STK3: variants seen among roughly 807,000 people sequenced by gnomAD.
STK3 encodes serine/threonine-protein kinase 3.
In STK3, 41 loss-of-function variants were observed where a neutral mutation model predicts 58.0. The ratio of observed to expected loss-of-function variants is 0.71; its 90% CI spans 0.55 to 0.92. STK3 has a LOEUF of 0.92. Among genes scored for constraint, STK3 ranks in the 40% least tolerant of loss-of-function variants. STK3 has a pLI of 0.00. For missense variants in STK3, 479 were observed against 602.7 expected (o/e 0.79, Z 2.15); for synonymous variants, 170 against 191.0 (o/e 0.89, Z 0.91).
In STK3 at chr8:98,819,839, C is replaced by T. The variant is rs543060556; in HGVS notation, c.26+5676G>A. On this transcript the variant is annotated intron_variant, in intron 1 of 10. Coordinates refer to ENST00000419617, the MANE Select transcript of STK3 (RefSeq NM_006281.4). ...ATATACACATAAAATGACATCCACC[C>T]CTCTTCTCCCTGCAATAATATCTTT... Among the ~76,000 whole-genome samples, 16 of 152,264 alleles carry T rather than the reference C, an allele frequency of 1.1e-4. No homozygotes were observed. The South Asian group carries it at 2.9e-3, about 28-fold the overall frequency.
chr8:98,649,414 C>T (rs1415962473), intron 6 of STK3, among the ~76,000 whole-genome samples: 1 of 152,076 alleles, frequency 6.6e-6, no homozygotes, highest in Non-Finnish European at 1.5e-5. Flanking sequence ...AAACTTCTCC[C>T]AAGTTTCTAA....
chr8:98,699,058 AT>A (rs1423305062), intron 6 of STK3, among the ~76,000 whole-genome samples: 1 of 152,018 alleles, frequency 6.6e-6, no homozygotes, highest in African/African-American at 2.4e-5. Context: ...GGCTTTGTTC[AT>A]TTCTTTTTGT....
At position 98,932,703 on chromosome 8, in the gene STK3, TTACTAAA is replaced by T. The variant is rs1205288117; in HGVS notation, c.-79+9668_-79+9674del. On this transcript the variant is annotated intron_variant, in intron 1 of 1. Transcript: ENST00000519420. Reference sequence around the variant, plus strand: ...ATTCTCATTCAGGAGGTCTGCTGCATTACTAAACAGCCCCCAGGTGAGGCCAATGCTC... The same window carrying T: ...ATTCTCATTCAGGAGGTCTGCTGCATCAGCCCCCAGGTGAGGCCAATGCTC... Among the ~76,000 whole-genome samples, 14 of 152,316 alleles carry T rather than the reference TTACTAAA, an allele frequency of 9.2e-5. No homozygotes were observed. The East Asian group carries it at 2.7e-3, about 29-fold the overall frequency.
At chr8:98,900,688 G>A (rs1838624109) in intron 1 of STK3, among the ~76,000 whole-genome samples, 1 of 149,644 alleles carries the variant, frequency 6.7e-6, no homozygotes. Flanking sequence ...CTGAGACAGG[G>A]TCTTGCTCTG....
At chr8:98,373,726 CTTCTT>C (rs919045544) in intron 2 of STK3, among the ~76,000 whole-genome samples, 4 of 152,200 alleles carry the variant, frequency 2.6e-5, no homozygotes, top group African/African-American at 9.6e-5. Flanking sequence ...GTAATATCTG[CTTCTT>C]TTCTTTCCTT....
chr8:98,488,959 C>T (rs1468502137), intron 10 of STK3, among the ~76,000 whole-genome samples: 1 of 152,134 alleles, frequency 6.6e-6, no homozygotes, highest in East Asian at 1.9e-4. Flanking sequence ...CTGGGGCATG[C>T]CCATTTCACC....
chr8:98,585,116 A>T (rs1287380484), intron 7 of STK3, among the ~76,000 whole-genome samples: 1 of 151,094 alleles, frequency 6.6e-6, no homozygotes, highest in Non-Finnish European at 1.5e-5. Context: ...CCCATTTGTC[A>T]ATTTTGGCTT....
intron 3 of STK3, among the ~76,000 whole-genome samples, chr8:98,420,711 A>G (rs960080835): frequency 1.3e-5 from 2 of 152,188 alleles, no homozygotes; most frequent in Non-Finnish European, 2.9e-5. Flanking sequence ...CTTAATGGGC[A>G]TCATTAAATG....
chr8:98,590,577 T>A (rs568530217), intron 7 of STK3, among the ~76,000 whole-genome samples: 2 of 152,192 alleles, frequency 1.3e-5, no homozygotes, highest in Non-Finnish European at 2.9e-5. Context: ...GGACGGGGGA[T>A]TGATCTCCCA....
chr8:98,697,086 G>A (rs1248001675), intron 6 of STK3, among the ~76,000 whole-genome samples: 1 of 152,196 alleles, frequency 6.6e-6, no homozygotes, highest in Non-Finnish European at 1.5e-5. Context: ...TTAATCTTGG[G>A]AGGGTGTATG....
downstream of STK3, among the ~76,000 whole-genome samples, chr8:98,449,952 C>T (rs1246557007): frequency 6.6e-6 from 1 of 152,198 alleles, no homozygotes; most frequent in Non-Finnish European, 1.5e-5. Context: ...CACCAGAAGC[C>T]AACCAGATGC....
At chr8:98,390,593 A>T (rs1417157624), upstream of STK3, among the ~76,000 whole-genome samples, 5 of 151,832 alleles carry the variant, frequency 3.3e-5, no homozygotes, top group Non-Finnish European at 7.4e-5. Flanking sequence ...TTTTTCAGGC[A>T]TTATTTCTTC....
intron 2 of STK3, among the ~76,000 whole-genome samples, chr8:98,372,953 T>C (rs1048304638): frequency 2.4e-4 from 36 of 152,210 alleles, no homozygotes; most frequent in African/African-American, 8.4e-4. Flanking sequence ...CTGATAAATA[T>C]TATCAGTCTT....
At chr8:98,529,913 G>A (rs1826041322) in intron 9 of STK3, among the ~76,000 whole-genome samples, 1 of 152,150 alleles carries the variant, frequency 6.6e-6, no homozygotes, top group African/African-American at 2.4e-5. Context: ...TACAGCAGTT[G>A]AGTTTTACAA....
chr8:98,397,564 A>G (rs1817907034), downstream of STK3, among the ~76,000 whole-genome samples: 1 of 152,102 alleles, frequency 6.6e-6, no homozygotes, highest in Non-Finnish European at 1.5e-5. Flanking sequence ...AAGGAAATAA[A>G]AAGAAAAGAA....
intron 9 of STK3, among the ~76,000 whole-genome samples, chr8:98,535,072 T>G (rs962683966): frequency 9.2e-5 from 14 of 152,160 alleles, no homozygotes; most frequent in Admixed American, 2.6e-4. Context: ...CATAAATACA[T>G]CTGAAAACTT....
chr8:98,537,242 C>T (rs1365619308), intron 9 of STK3, among the ~76,000 whole-genome samples: 1 of 151,870 alleles, frequency 6.6e-6, no homozygotes. Context: ...AATTTAAAAC[C>T]TAGTATTAAC....
upstream of STK3, among the ~76,000 whole-genome samples, chr8:98,827,660 T>C (rs1220279340): frequency 6.6e-6 from 1 of 152,192 alleles, no homozygotes; most frequent in Non-Finnish European, 1.5e-5. Context: ...AGGGTTTTTT[T>C]TGTTTTGTTT....
At position 98,869,317 on chromosome 8, in the gene STK3, A is replaced by C. The variant is rs1357132983; in HGVS notation, c.110+14330T>G. On this transcript the variant is annotated intron_variant, in intron 3 of 12. Transcript: ENST00000523601. ...ACACCTGTAATCTCAGCTATTCAGA[A>C]GGCTGAGGCACGAGAATCGCTTGAG... 2.6e-5 allele frequency among the ~76,000 whole-genome samples: 4 copies of C among 152,260 alleles called. No individual in the cohort carries two copies. In the East Asian group the frequency reaches 7.7e-4, roughly 29 times the overall value.
Sources: allele counts gnomAD v4.1 joint callset (sites outside exome capture counted in the v4.1 genomes callset), GRCh38; gene constraint gnomAD v4.1.1; transcripts MANE v1.5; gene names NCBI Gene and HGNC (gene_info 2026-07-23, HGNC 2026-07-21).